Variants in FYN observed in about 807,000 individuals in gnomAD.
The protein encoded by FYN is FYN proto-oncogene, Src family tyrosine kinase, also known as tyrosine-protein kinase Fyn.
A neutral mutation model predicts 70.2 loss-of-function variants in FYN; 10 were observed. The observed-to-expected ratio is 0.14, with a 90% CI of 0.09 to 0.24. The LOEUF is 0.24. Ranked by LOEUF, FYN falls within the 10% of genes least tolerant of loss-of-function variation. The pLI, the probability that FYN is intolerant of heterozygous loss-of-function variation, is 1.00. For missense variants in FYN, 319 were observed against 673.1 expected, an observed-to-expected ratio of 0.47 and a Z score of 5.82; for synonymous variants, 236 against 248.6, an observed-to-expected ratio of 0.95 and a Z score of 0.48.
intron 2 of FYN, among the ~76,000 whole-genome samples, chr6:111,817,396 C>T (rs1772522570): frequency 1.3e-5 from 2 of 152,144 alleles, no homozygotes; most frequent in Non-Finnish European, 2.9e-5. Context: ...CAAGTACTAT[C>T]GTACTAAAAG....
chr6:111,822,615 A>T (rs1772703851), intron 2 of FYN, among the ~76,000 whole-genome samples: 3 of 151,724 alleles, frequency 2.0e-5, no homozygotes, highest in African/African-American at 7.3e-5. Context: ...TGTACCCTAG[A>T]ACTTAAAGTA....
At chr6:111,720,413 TA>T (rs1800877493) in intron 3 of FYN, among the ~76,000 whole-genome samples, 3 of 151,972 alleles carry the variant, frequency 2.0e-5, no homozygotes, top group African/African-American at 7.3e-5. Flanking sequence ...TTTAGCCATC[TA>T]AAAAAAATAA....
intron 6 of FYN, among the ~76,000 whole-genome samples, chr6:111,707,256 C>T (rs1458790744): frequency 6.6e-6 from 1 of 152,224 alleles, no homozygotes; most frequent in African/African-American, 2.4e-5. Context: ...CCTGTTAATC[C>T]TCATGGGTCA....
intron 2 of FYN, among the ~76,000 whole-genome samples, chr6:111,799,768 CCT>C (rs762285872): frequency 3.3e-4 from 51 of 152,304 alleles, no homozygotes; most frequent in African/African-American, 9.4e-4. Flanking sequence ...TCCACTGCCC[CCT>C]GTCTGTGAGG....
intron 3 of FYN, among the ~76,000 whole-genome samples, chr6:111,776,453 C>G (rs1039459044): frequency 6.6e-6 from 1 of 152,182 alleles, no homozygotes; most frequent in Non-Finnish European, 1.5e-5. Flanking sequence ...CTGATAAAAT[C>G]TCTGTTATCT....
At chr6:111,820,056 A>G (rs1026208143) in intron 2 of FYN, 6 of 152,206 alleles carry the variant, frequency 3.9e-5, no homozygotes, top group African/African-American at 1.2e-4. Flanking sequence ...AGTTTGGATG[A>G]CATCCTATGG....
chr6:111,726,901 C>T (rs568616787), intron 3 of FYN, among the ~76,000 whole-genome samples: 1 of 152,298 alleles, frequency 6.6e-6, no homozygotes, highest in African/African-American at 2.4e-5. Flanking sequence ...ATTTCCACTG[C>T]TTGCACTTAC....
At chr6:111,760,220 C>G (rs1802942894) in intron 3 of FYN, among the ~76,000 whole-genome samples, 1 of 152,140 alleles carries the variant, frequency 6.6e-6, no homozygotes, top group African/African-American at 2.4e-5. Flanking sequence ...AGCTGACAGC[C>G]TGACAAAACC....
At chr6:111,718,417 C>A (rs187186305) in intron 4 of FYN, among the ~76,000 whole-genome samples, 1 of 152,220 alleles carries the variant, frequency 6.6e-6, no homozygotes, top group African/African-American at 2.4e-5. Flanking sequence ...AACAAAGACT[C>A]CTCCTGACTA....
intron 9 of FYN, chr6:111,699,564 C>T (rs1799736761): frequency 3.7e-6 from 6 of 1,614,226 alleles, no homozygotes; most frequent in Non-Finnish European, 4.2e-6. Context: ...TCTCCAGACA[C>T]AACGAACGAC....
rs571189092 is a variant in FYN, at chr6:111,738,014, A to T, written c.-11-17952T>A. 3.3e-5 allele frequency among the ~76,000 whole-genome samples: 5 copies of T among 152,226 alleles called. No individual in the cohort carries two copies. The East Asian group carries it at 9.6e-4, about 29-fold the overall frequency. ...GTGACAAAACTCTCACTCATTTTCA[A>T]CCTAAACAACACAACACCCATCATG... On this transcript the variant is annotated intron_variant, in intron 3 of 13. Coordinates refer to ENST00000354650, the MANE Select transcript of FYN (RefSeq NM_002037.5).
At chr6:111,837,019 T>G (rs1773208263) in intron 2 of FYN, among the ~76,000 whole-genome samples, 1 of 152,178 alleles carries the variant, frequency 6.6e-6, no homozygotes, top group South Asian at 2.1e-4. Flanking sequence ...ATGATAACTG[T>G]CAAAAGTTTT....
chr6:111,857,029 GCTAA>G (rs1236334767), intron 1 of FYN, among the ~76,000 whole-genome samples: 2 of 152,138 alleles, frequency 1.3e-5, no homozygotes. Context: ...ATTAAAAAGA[GCTAA>G]CTGTTTTTTT....
At chr6:111,666,843 G>A (rs1798032921) in intron 13 of FYN, among the ~76,000 whole-genome samples, 1 of 152,000 alleles carries the variant, frequency 6.6e-6, no homozygotes, top group Admixed American at 6.6e-5. Flanking sequence ...TCCGCTGTGT[G>A]GGGGTCTGCC....
In FYN at chr6:111,730,870, C is replaced by T. The variant is rs550232703; in HGVS notation, c.-11-10808G>A. Among the ~76,000 whole-genome samples the T allele has an allele frequency of 3.3e-5, 5 of 152,244 alleles. No homozygotes were observed. In the South Asian group the frequency reaches 1.0e-3, roughly 32 times the overall value. Reference sequence around the variant, plus strand: ...GAAAAAGAGAAAAGAAAAACAAAAACGTGGGCTTCTATTCATGACCAGCAA... The same window carrying T: ...GAAAAAGAGAAAAGAAAAACAAAAATGTGGGCTTCTATTCATGACCAGCAA... On this transcript the variant is annotated intron_variant, in intron 3 of 13. Coordinates refer to ENST00000354650, the MANE Select transcript of FYN (RefSeq NM_002037.5).
intron 3 of FYN, among the ~76,000 whole-genome samples, chr6:111,720,301 C>T (rs1266186851): frequency 6.6e-6 from 1 of 152,172 alleles, no homozygotes; most frequent in Non-Finnish European, 1.5e-5. Flanking sequence ...GCACAATGTT[C>T]ACCATGCAGC....
intron 12 of FYN, among the ~76,000 whole-genome samples, chr6:111,693,603 A>C (rs1799446151): frequency 6.6e-6 from 1 of 152,194 alleles, no homozygotes; most frequent in East Asian, 1.9e-4. Flanking sequence ...ATTTTACTTA[A>C]AGGCTAATTT....
intron 3 of FYN, among the ~76,000 whole-genome samples, chr6:111,757,676 GCAAAGCT>G (rs1802801087): frequency 6.6e-6 from 1 of 152,220 alleles, no homozygotes; most frequent in African/African-American, 2.4e-5. Flanking sequence ...CAAGAGGTAG[GCAAAGCT>G]CTTAAGAAAG....
At chr6:111,769,983 A>T (rs1293331954) in intron 3 of FYN, among the ~76,000 whole-genome samples, 1 of 152,046 alleles carries the variant, frequency 6.6e-6, no homozygotes. Context: ...GAGGACAGGA[A>T]TATGTGGTTT....
Sources: gnomAD v4.1 joint callset for allele counts (sites outside exome capture counted in the v4.1 genomes callset) on GRCh38, gnomAD v4.1.1 for gene constraint, MANE v1.5 for transcripts, NCBI Gene and HGNC (gene_info 2026-07-23, HGNC 2026-07-21) for gene names.